Variants in ZNF407 observed in about 807,000 individuals in gnomAD.
The protein encoded by ZNF407 is zinc finger protein 407.
ZNF407 carries 17 observed loss-of-function variants against 131.2 expected under a neutral mutation model. That is an observed-to-expected ratio of 0.13 (90% CI 0.09 to 0.19). The LOEUF (loss-of-function observed/expected upper bound fraction) is 0.19. Ranked by LOEUF, ZNF407 falls within the 10% of genes least tolerant of loss-of-function variation. The pLI is 1.00. For synonymous variants in ZNF407, 1,156 were observed against 1,062.0 expected (o/e 1.09, Z -1.72); for missense variants, 2,681 against 2,830.6 (o/e 0.95, Z 1.20).
chr18:74,751,740 A>AT (rs1171061213), intron 3 of ZNF407, among the ~76,000 whole-genome samples: 2 of 152,324 alleles, frequency 1.3e-5, no homozygotes, highest in African/African-American at 4.8e-5. Flanking sequence ...CATGGTATGT[A>AT]TGTGCCACAT....
chr18:74,653,734 A>G (rs2144715376), intron 3 of ZNF407, among the ~76,000 whole-genome samples: 1 of 152,000 alleles, frequency 6.6e-6, no homozygotes, highest in South Asian at 2.1e-4. Context: ...TCATGCTTAT[A>G]CATTATTTAA....
At chr18:74,804,435 AT>A (rs1970077290) in intron 4 of ZNF407, 10 of 992,848 alleles carry the variant, frequency 1.0e-5, no homozygotes, top group Non-Finnish European at 1.2e-5. Context: ...TAATTAACAC[AT>A]GACTTCAGAG....
At chr18:75,060,599 G>T (rs1347465821) in intron 8 of ZNF407, among the ~76,000 whole-genome samples, 1 of 138,204 alleles carries the variant, frequency 7.2e-6, no homozygotes, top group South Asian at 2.3e-4. Context: ...TCCGCCTCCC[G>T]GGTTCCCGCC....
At chr18:74,800,494 A>T (rs1217470766) in intron 4 of ZNF407, among the ~76,000 whole-genome samples, 1 of 151,942 alleles carries the variant, frequency 6.6e-6, no homozygotes, top group African/African-American at 2.4e-5. Flanking sequence ...GCTTTCTTGT[A>T]GATTTGCTTA....
At chr18:74,902,173 G>C (rs1971534337) in intron 7 of ZNF407, among the ~76,000 whole-genome samples, 1 of 152,186 alleles carries the variant, frequency 6.6e-6, no homozygotes, top group Non-Finnish European at 1.5e-5. Context: ...AGCATGTTTT[G>C]TCTTTTTGCT....
At chr18:75,040,100 A>G (rs550139470) in intron 8 of ZNF407, among the ~76,000 whole-genome samples, 105 of 152,298 alleles carry the variant, frequency 6.9e-4, no homozygotes, top group Middle Eastern at 3.4e-3. Flanking sequence ...CATGTCATTC[A>G]TTGACATCTG....
intron 3 of ZNF407, among the ~76,000 whole-genome samples, chr18:74,741,230 A>G (rs1296291398): frequency 3.3e-5 from 5 of 152,184 alleles, no homozygotes; most frequent in Admixed American, 6.5e-5. Flanking sequence ...AGCATTTTGT[A>G]TATATACATA....
At chr18:74,605,371 C>T (rs1219352379) in intron 1 of ZNF407, among the ~76,000 whole-genome samples, 1 of 152,074 alleles carries the variant, frequency 6.6e-6, no homozygotes. Flanking sequence ...CTATGAAATG[C>T]GTATTATCTT....
chr18:74,835,499 G>A (rs912507961), intron 4 of ZNF407, among the ~76,000 whole-genome samples: 8 of 152,136 alleles, frequency 5.3e-5, no homozygotes, highest in African/African-American at 1.9e-4. Context: ...TGGCAAGATA[G>A]GGGAGATTTT....
At chr18:74,977,661 G>A (rs531372898) in intron 8 of ZNF407, among the ~76,000 whole-genome samples, 1 of 152,340 alleles carries the variant, frequency 6.6e-6, no homozygotes, top group South Asian at 2.1e-4. Context: ...GGCAGTAGAG[G>A]GAGCAGTGCC....
chr18:74,834,865 T>C (rs979133357), intron 4 of ZNF407, among the ~76,000 whole-genome samples: 3 of 152,232 alleles, frequency 2.0e-5, no homozygotes, highest in Non-Finnish European at 2.9e-5. Context: ...AGTTCACCAG[T>C]ATGACTTTGG....
At chr18:75,031,666 T>C (rs1338347039) in intron 8 of ZNF407, among the ~76,000 whole-genome samples, 3 of 152,212 alleles carry the variant, frequency 2.0e-5, no homozygotes, top group African/African-American at 7.2e-5. Flanking sequence ...CATTAAACTT[T>C]CATTAAAAAT....
At chr18:74,915,356 G>C (rs1599239579) in intron 7 of ZNF407, among the ~76,000 whole-genome samples, 1 of 148,882 alleles carries the variant, frequency 6.7e-6, no homozygotes, top group African/African-American at 2.5e-5. Flanking sequence ...GTGTGTGCAT[G>C]TGTGTGCTGG....
intron 8 of ZNF407, among the ~76,000 whole-genome samples, chr18:74,953,250 T>C (rs1972236465): frequency 6.6e-6 from 1 of 152,174 alleles, no homozygotes; most frequent in African/African-American, 2.4e-5. Context: ...GCTTGAGAGC[T>C]GGGGTCCGTC....
intron 4 of ZNF407, among the ~76,000 whole-genome samples, chr18:74,832,877 T>G (rs1027035254): frequency 6.6e-6 from 1 of 152,244 alleles, no homozygotes; most frequent in African/African-American, 2.4e-5. Context: ...CTGTTTATTT[T>G]TTATTTTTAT....
At chr18:74,724,269 A>G (rs1029445797) in intron 3 of ZNF407, among the ~76,000 whole-genome samples, 7 of 152,234 alleles carry the variant, frequency 4.6e-5, no homozygotes, top group Non-Finnish European at 5.9e-5. Context: ...ACATGTGTAC[A>G]TGGTGAAATG....
intron 3 of ZNF407, among the ~76,000 whole-genome samples, chr18:74,663,431 T>G (rs901844102): frequency 1.3e-5 from 2 of 152,160 alleles, no homozygotes; most frequent in Non-Finnish European, 2.9e-5. Flanking sequence ...ATGACCATTG[T>G]GATTTAAAAT....
chr18:74,644,504 T>TA (rs1022267905), intron 3 of ZNF407, among the ~76,000 whole-genome samples: 74 of 152,046 alleles, frequency 4.9e-4, no homozygotes, highest in African/African-American at 1.7e-3. Flanking sequence ...CTCGATGACT[T>TA]ACAAAAGTTA....
At chr18:74,744,881 T>TGGAC (rs1968632034) in intron 3 of ZNF407, among the ~76,000 whole-genome samples, 1 of 152,102 alleles carries the variant, frequency 6.6e-6, no homozygotes, top group African/African-American at 2.4e-5. Context: ...TTACCATGGA[T>TGGAC]GGACTGGTAG....
Sources: gnomAD v4.1 joint callset for allele counts (sites outside exome capture counted in the v4.1 genomes callset) on GRCh38, gnomAD v4.1.1 for gene constraint, MANE v1.5 for transcripts, NCBI Gene and HGNC (gene_info 2026-07-23, HGNC 2026-07-21) for gene names.